The following MCM6 variants were observed in gnomAD, a reference collection of about 807,000 sequenced individuals.
MCM6 encodes minichromosome maintenance complex component 6, also known as DNA replication licensing factor MCM6.
Under a neutral mutation model 94.3 loss-of-function variants are expected in MCM6, and 46 were observed. That is an observed-to-expected ratio of 0.49 (90% CI 0.39 to 0.62). MCM6 has a LOEUF of 0.62. MCM6 is among the 20% of genes least tolerant of loss of function. The pLI, the probability that MCM6 is intolerant of heterozygous loss-of-function variation, is 0.00. For synonymous variants in MCM6, 335 were observed against 351.9 expected, an observed-to-expected ratio of 0.95 and a Z score of 0.54; for missense variants, 865 against 1,017.9, an observed-to-expected ratio of 0.85 and a Z score of 2.04.
intron 8 of MCM6, among the ~76,000 whole-genome samples, chr2:135,861,899 A>T (rs967718869): frequency 1.3e-5 from 2 of 152,240 alleles, no homozygotes; most frequent in African/African-American, 4.8e-5. Flanking sequence ...TACAGGCGTG[A>T]GCCATGGCAC....
chr2:135,865,755 A>C (rs1337252537), intron 6 of MCM6, among the ~76,000 whole-genome samples: 2 of 152,202 alleles, frequency 1.3e-5, no homozygotes, highest in South Asian at 2.1e-4. Context: ...ATACGTCAAA[A>C]GATTTGGTTT....
chr2:135,852,636 A>C (rs1463399180), intron 12 of MCM6, 151 bp downstream of exon 12: 3 of 463,406 alleles, frequency 6.5e-6, no homozygotes, highest in Admixed American at 8.9e-5. Flanking sequence ...CTCTGAAAAA[A>C]CAAATTGCTG....
At chr2:135,855,150 C>T (rs531253321) in intron 11 of MCM6, among the ~76,000 whole-genome samples, 46 of 151,906 alleles carry the variant, frequency 3.0e-4, no homozygotes, top group African/African-American at 1.1e-3. Flanking sequence ...AGTGAGACTC[C>T]GTCACAAAAC....
chr2:135,840,809 A>G lies in MCM6; in HGVS notation c.*26T>C. On this transcript the variant is annotated 3_prime_UTR_variant, in exon 17 of 17. Coordinates refer to ENST00000264156, the MANE Select transcript of MCM6 (RefSeq NM_005915.6). ...ACGAGGTGCTGTGCCACAGTTCCTC[A>G]GCTCTGGTCAGTTACTTTCACTATC... The G allele has an allele frequency of 4.6e-6, 7 of 1,522,750 alleles. No individual in the cohort carries two copies. Among genetic ancestry groups the G allele is most frequent in the Non-Finnish European group, 6.4e-6 (7 of 1,096,876 alleles). The allele number at this position is 1,522,750 out of a possible 1,614,324, so 94.3% of individuals were successfully genotyped here. A position where few individuals can be genotyped will look rare whatever the true frequency, so the allele number is the denominator to read the frequency against.
intron 5 of MCM6, 56 bp from the exon 6 acceptor site, chr2:135,866,333 A>C: frequency 6.3e-7 from 1 of 1,587,304 alleles, no homozygotes; most frequent in South Asian, 1.1e-5. Context: ...GCTGAACATC[A>C]AAATTGCTCA....
rs1320299201 is a variant in MCM6 at position 135,851,526 on chromosome 2, T to C, written c.1793A>G (p.Tyr598Cys). The change falls in exon 13 of 17, where the codon TAT (tyrosine) becomes TGT (cysteine). Residue 598 changes from tyrosine to cysteine, a missense_variant. Physicochemically the swap from Tyr to Cys is radical, Grantham distance 194 (BLOSUM62 -2). This residue lies in a region of MCM6 where 308 missense variants were observed against 324.5 expected (regional missense o/e 0.95). Coordinates refer to ENST00000264156, the MANE Select transcript of MCM6 (RefSeq NM_005915.6). ...KESEDFIVEQ[Y>C]KHLRQRDGSG... ...ACCATCTCTCTGGCGGAGATGTTTA[T>C]ATTGCTCCACAATGAAGTCCTCTGA... 2 of 1,612,572 alleles carry C rather than the reference T, an allele frequency of 1.2e-6. No homozygotes were observed. The highest frequency in any genetic ancestry group is 1.7e-6 in the Non-Finnish European group (2 of 1,179,470).
intron 1 of MCM6, among the ~76,000 whole-genome samples, chr2:135,875,309 A>C (rs1205171834): frequency 2.6e-5 from 4 of 151,996 alleles, no homozygotes; most frequent in Admixed American, 1.3e-4. Flanking sequence ...GGTTGCGGTG[A>C]GCTGAGATGG....
chr2:135,845,388 G>C (rs1158564697), intron 15 of MCM6, among the ~76,000 whole-genome samples: 1 of 152,144 alleles, frequency 6.6e-6, no homozygotes. Context: ...CATATAACAT[G>C]AATCAAGAAC....
At chr2:135,842,888 A>G (rs144920948) in intron 16 of MCM6, among the ~76,000 whole-genome samples, 91 of 152,318 alleles carry the variant, frequency 6.0e-4, no homozygotes, top group African/African-American at 2.1e-3. Context: ...GGCCATGACA[A>G]GGAGGCTGAA....
chr2:135,868,820 G>A lies in MCM6; in HGVS notation c.406C>T (p.Arg136Cys), dbSNP rs189085457. 5.9e-5 allele frequency: 95 copies of A among 1,613,958 alleles called. No individual in the cohort carries two copies. The African/African-American group carries it at 1.1e-3, about 19-fold the overall frequency. Residue 136 changes from arginine to cysteine, a missense_variant, in exon 4 of 17, where the codon CGC becomes TGC. By Grantham distance (180) the Arg-to-Cys change is radical (BLOSUM62 -3). Transcript: ENST00000264156. ...LTSSRIGLLT[R>C]ISGQVVRTHP... ...GTCCGCACCACCTGCCCACTGATGC[G>A]AGTGAGCAAACCAATTCTGGATGAG... is the stretch of plus-strand genomic sequence containing the variant.
intron 13 of MCM6, among the ~76,000 whole-genome samples, chr2:135,851,175 A>C (rs869051967): frequency 3.9e-5 from 6 of 152,338 alleles, no homozygotes; most frequent in Middle Eastern, 6.8e-3. Flanking sequence ...ATGGTAACTT[A>C]CGTCTTTATG....
rs1680179159 is a variant in MCM6, at chr2:135,870,421, C to T, written c.255-60G>A. 3.6e-6 allele frequency: 4 copies of T among 1,108,554 alleles called. No individual in the cohort carries two copies. In the South Asian group the frequency reaches 5.0e-5, roughly 14 times the overall value. The allele number at this position is 1,108,554 out of a possible 1,614,324, so 68.7% of individuals were successfully genotyped here. Reference sequence around the variant, plus strand: ...GTTTACCAAGGCCTCCTTCCCTTTACATACCTACCAACAGCCGAGATTAAG... The same window carrying T: ...GTTTACCAAGGCCTCCTTCCCTTTATATACCTACCAACAGCCGAGATTAAG... On this transcript the variant is annotated intron_variant, in intron 2 of 16. Transcript: ENST00000264156.
chr2:135,868,950 A>G, intron 3 of MCM6, 90 bp from the exon 4 acceptor site: 1 of 1,300,506 alleles, frequency 7.7e-7, no homozygotes. Flanking sequence ...AAGATAATTT[A>G]TGTTTAAAAA....
chr2:135,853,441 C>T (rs1430253435), intron 11 of MCM6, among the ~76,000 whole-genome samples: 1 of 152,038 alleles, frequency 6.6e-6, no homozygotes, highest in Non-Finnish European at 1.5e-5. Context: ...TAAGCCTTAT[C>T]TCAAAAACAA....
intron 13 of MCM6, among the ~76,000 whole-genome samples, chr2:135,848,909 A>C (rs4988249): frequency 9.9e-5 from 15 of 152,118 alleles, no homozygotes; most frequent in African/African-American, 3.6e-4. Context: ...ACAAAAAAAC[A>C]ACCAGCAATG....
At chr2:135,872,611 C>T (rs937870556) in intron 2 of MCM6, 86 bp downstream of exon 2, 5 of 1,367,920 alleles carry the variant, frequency 3.7e-6, no homozygotes, top group Admixed American at 2.1e-5. Context: ...CCTTCTGCTA[C>T]ACAAGTGAAC....
chr2:135,850,032 A>C (rs1278258373), intron 13 of MCM6, among the ~76,000 whole-genome samples: 1 of 152,224 alleles, frequency 6.6e-6, no homozygotes, highest in Non-Finnish European at 1.5e-5. Context: ...AGAACAAAAT[A>C]AAAATCAATT....
intron 15 of MCM6, among the ~76,000 whole-genome samples, chr2:135,845,887 G>A (rs1679661819): frequency 6.6e-6 from 1 of 152,138 alleles, no homozygotes; most frequent in South Asian, 2.1e-4. Flanking sequence ...TATACCCTAG[G>A]GGTCCAGCTG....
In MCM6 at chr2:135,840,920, C is replaced by G; in HGVS notation, c.2381G>C (p.Gly794Ala). The change falls in exon 17 of 17, where the codon GGA becomes GCA. Residue 794 changes from glycine to alanine, a missense_variant. Physicochemically the swap from Gly to Ala is moderately conservative, Grantham distance 60 (BLOSUM62 0). This residue lies in a region of MCM6 where 308 missense variants were observed against 324.5 expected (regional missense o/e 0.95). Transcript: ENST00000264156. ...ACTTCCCTCTGTGGAGCCTTTCAAT[C>G]CAGCCTGGGTGAGCTCAATTAGAAC... is the stretch of plus-strand genomic sequence containing the variant. The part of the protein sequence containing the change: ...DHVLIELTQA[G>A]LKGSTEGSES... 1 of 1,614,126 alleles carries G rather than the reference C, an allele frequency of 6.2e-7. No homozygotes were observed. The highest frequency in any genetic ancestry group is 8.5e-7 in the Non-Finnish European group (1 of 1,179,970).
Sources: gnomAD v4.1 joint callset for allele counts (sites outside exome capture counted in the v4.1 genomes callset) on GRCh38, gnomAD v4.1.1 for gene constraint, gnomAD v4.1.1 regional missense constraint, MANE v1.5 for transcripts, NCBI Gene and HGNC (gene_info 2026-07-23, HGNC 2026-07-21) for gene names.